Variants in SYNE2 observed in about 807,000 individuals in gnomAD.
SYNE2 encodes the protein nesprin-2.
A neutral mutation model predicts 856.3 loss-of-function variants in SYNE2; 431 were observed. That is an observed-to-expected ratio of 0.50 (90% CI 0.47 to 0.55). The LOEUF is 0.55. SYNE2 is among the 20% of genes least tolerant of loss of function. The probability of loss-of-function intolerance (pLI) is 0.00; values close to 1 mark genes in which losing one functional copy is unlikely to be tolerated. For missense variants in SYNE2, 8,129 were observed against 8,023.2 expected (o/e 1.01, Z -0.50); for synonymous variants, 2,923 against 2,872.3 (o/e 1.02, Z -0.56).
chr14:63,822,823 G>A (rs76260293), intron 1 of SYNE2, among the ~76,000 whole-genome samples: 3,717 of 152,248 alleles, frequency 0.024, 161 homozygotes, highest in African/African-American at 0.084. Context: ...AGAAGAAAGG[G>A]CTGGGTACAG....
Position 64,142,518 on chromosome 14 carries a change from G to A in SYNE2, c.15306+430G>A, listed in dbSNP as rs147639254. On this transcript the variant is annotated intron_variant, in intron 82 of 115. Coordinates refer to ENST00000555002, the MANE Select transcript of SYNE2 (RefSeq NM_182914.3). ...CTTAGTCATCTTCCATAGTCAGCTC[G>A]AGTTGTCCTTGTTTGCAAATCCACC... Among the ~76,000 whole-genome samples the A allele has an allele frequency of 3.3e-3, 500 of 152,192 alleles. 2 individuals carry two copies. Among genetic ancestry groups the A allele is most frequent in the Admixed American group, 0.01 (156 of 15,278 alleles).
chr14:64,051,908 G>A lies in SYNE2; in HGVS notation c.7995G>A (p.Met2665Ile). 1.9e-6 allele frequency: 3 copies of A among 1,613,902 alleles called. No individual in the cohort carries two copies. Among genetic ancestry groups the A allele is most frequent in the Non-Finnish European group, 2.5e-6 (3 of 1,180,034 alleles). ...SPEERAGNQS[M>I]IALTTDLQAT... is the part of the protein sequence containing the mutation. ...AAGAACGGGCAGGGAACCAAAGCAT[G>A]ATTGCCTTGACCACTGACCTCCAGG... Residue 2665 changes from methionine to isoleucine, a missense_variant, in exon 48 of 116, where the codon ATG (methionine) becomes ATA (isoleucine). Met to Ile is a conservative substitution (Grantham distance 10). Coordinates refer to ENST00000555002, the MANE Select transcript of SYNE2 (RefSeq NM_182914.3).
At chr14:63,974,892 G>GTGTGTGTATATATA (rs1375697679) in intron 11 of SYNE2, among the ~76,000 whole-genome samples, 7 of 67,318 alleles carry the variant, frequency 1.0e-4, no homozygotes, top group Admixed American at 7.1e-4. Context: ...GTGTGTGTGT[G>GTGTGTGTATATATA]TATATATATA....
At chr14:64,115,628 A>G (rs2097848298) in intron 66 of SYNE2, among the ~76,000 whole-genome samples, 1 of 152,220 alleles carries the variant, frequency 6.6e-6, no homozygotes, top group Non-Finnish European at 1.5e-5. Flanking sequence ...CTGCATTTAA[A>G]GCCGTCAAAT....
chr14:63,909,103 T>G lies in SYNE2; in HGVS notation c.-46T>G. ...TTTATCCATTTCACTTTCAGTTCAC[T>G]TCTTCAACTGAGATGGACATGATAT... On this transcript the variant is annotated 5_prime_UTR_variant, in exon 2 of 116. Transcript: ENST00000555002. 7.6e-7 allele frequency: 1 copy of G among 1,322,872 alleles called. No individual in the cohort carries two copies. Among genetic ancestry groups the G allele is most frequent in the Non-Finnish European group, 1.1e-6 (1 of 914,644 alleles). The allele number at this position is 1,322,872 out of a possible 1,614,324, so 81.9% of individuals were successfully genotyped here.
chr14:63,885,019 T>C (rs886314823), intron 1 of SYNE2, among the ~76,000 whole-genome samples: 6 of 152,138 alleles, frequency 3.9e-5, no homozygotes, highest in African/African-American at 1.2e-4. Flanking sequence ...GTGTTTACTG[T>C]CAAGATTCGC....
chr14:64,062,655 TA>T, intron 49 of SYNE2, 95 bp from the exon 50 acceptor site: 1 of 1,218,400 alleles, frequency 8.2e-7, no homozygotes, highest in Non-Finnish European at 1.2e-6. Context: ...TATCTTTTCT[TA>T]AAAATTAAGT....
At chr14:64,157,330 T>C (rs1002380203) in intron 85 of SYNE2, among the ~76,000 whole-genome samples, 11 of 152,212 alleles carry the variant, frequency 7.2e-5, no homozygotes, top group Admixed American at 3.3e-4. Context: ...TTTATATAAA[T>C]AGAATCATAT....
chr14:63,804,445 T>C (rs1486166859), intron 1 of SYNE2, among the ~76,000 whole-genome samples: 3 of 152,190 alleles, frequency 2.0e-5, no homozygotes, highest in African/African-American at 7.2e-5. Flanking sequence ...CGATGACCTA[T>C]ATCCAGAATG....
intron 107 of SYNE2, 179 bp downstream of exon 107, chr14:64,215,533 AC>A: frequency 1.4e-6 from 1 of 704,470 alleles, no homozygotes; most frequent in Non-Finnish European, 2.5e-6. Flanking sequence ...TCCTTACAAA[AC>A]CCCATCCAAG....
In SYNE2 at chr14:63,769,733, A is replaced by G. The variant is rs936835331; in HGVS notation, c.-305+7747A>G. On this transcript the variant is annotated intron_variant, in intron 1 of 23. Transcript: ENST00000674003. Reference sequence around the variant, plus strand: ...ACCCTGTCTCTAAAAAAAAAAAAAAAGAAAGAAAAAGAAAAATCAGCTGAG... The same window carrying G: ...ACCCTGTCTCTAAAAAAAAAAAAAAGGAAAGAAAAAGAAAAATCAGCTGAG... Among the ~76,000 whole-genome samples the G allele has an allele frequency of 1.6e-4, 21 of 132,354 alleles. 1 individual carries two copies. Among genetic ancestry groups the G allele is most frequent in the Admixed American group, 8.4e-4 (11 of 13,144 alleles). 86.8% of individuals were successfully genotyped at this position (132,354 alleles called of 152,430 possible). A position where few individuals can be genotyped will look rare whatever the true frequency, so the allele number is the denominator to read the frequency against.
chr14:63,834,807 A>T (rs1458111731), intron 1 of SYNE2, among the ~76,000 whole-genome samples: 3 of 150,008 alleles, frequency 2.0e-5, no homozygotes, highest in African/African-American at 7.4e-5. Context: ...CACCCAGCTA[A>T]TTTTTGTATT....
intron 1 of SYNE2, among the ~76,000 whole-genome samples, chr14:63,768,963 A>G (rs985952464): frequency 3.3e-5 from 5 of 152,034 alleles, no homozygotes; most frequent in Non-Finnish European, 7.4e-5. Flanking sequence ...TCCTATTACT[A>G]GGTCTAGCCA....
At chr14:63,811,733 G>A (rs946194115) in intron 1 of SYNE2, among the ~76,000 whole-genome samples, 8 of 152,202 alleles carry the variant, frequency 5.3e-5, no homozygotes, top group Middle Eastern at 3.4e-3. Flanking sequence ...CTAGGCTTCC[G>A]GGGGTGACAT....
intron 1 of SYNE2, among the ~76,000 whole-genome samples, chr14:63,872,718 C>T (rs148508482): frequency 0.078 from 10,655 of 136,562 alleles, 517 homozygotes; most frequent in Admixed American, 0.13. Flanking sequence ...CCTAAGATCA[C>T]ACCACTGTAC....
At chr14:63,910,701 A>G (rs989420702) in intron 2 of SYNE2, among the ~76,000 whole-genome samples, 2 of 152,192 alleles carry the variant, frequency 1.3e-5, no homozygotes, top group Non-Finnish European at 2.9e-5. Flanking sequence ...TTTGAGTCTC[A>G]GTTTCCTTAT....
intron 34 of SYNE2, among the ~76,000 whole-genome samples, chr14:64,019,142 G>A (rs780298411): frequency 6.6e-6 from 1 of 152,030 alleles, no homozygotes; most frequent in Non-Finnish European, 1.5e-5. Context: ...GTGTGGTGGT[G>A]TGTGCCTTTA....
chr14:64,155,527 A>G (rs1424808607), intron 85 of SYNE2, among the ~76,000 whole-genome samples: 1 of 152,004 alleles, frequency 6.6e-6, no homozygotes, highest in Non-Finnish European at 1.5e-5. Context: ...GAGATTACAC[A>G]TTTTAAATAG....
intron 1 of SYNE2, among the ~76,000 whole-genome samples, chr14:63,859,967 CCCTCCCTT>C (rs930258611): frequency 8.1e-6 from 1 of 123,524 alleles, no homozygotes; most frequent in Non-Finnish European, 1.8e-5. Context: ...CTCCCTCCCT[CCCTCCCTT>C]CCTCCCTTCC....
Sources: allele counts gnomAD v4.1 joint callset (sites outside exome capture counted in the v4.1 genomes callset), GRCh38; gene constraint gnomAD v4.1.1; transcripts MANE v1.5; gene names NCBI Gene and HGNC (gene_info 2026-07-23, HGNC 2026-07-21).